TAFA2: variants seen among roughly 807,000 people sequenced by gnomAD.
TAFA2 encodes the protein chemokine-like protein TAFA-2.
Under a neutral mutation model 18.8 loss-of-function variants are expected in TAFA2, and 7 were observed. That is an observed-to-expected ratio of 0.37 (90% confidence interval 0.21 to 0.70). The LOEUF (loss-of-function observed/expected upper bound fraction) is 0.70. Among genes scored for constraint, TAFA2 ranks in the 30% least tolerant of loss-of-function variants. The pLI, the probability that TAFA2 is intolerant of heterozygous loss-of-function variation, is 0.53. For missense variants in TAFA2, 122 were observed against 158.1 expected, an observed-to-expected ratio of 0.77 and a Z score of 1.23; for synonymous variants, 60 against 54.2, an observed-to-expected ratio of 1.11 and a Z score of -0.47.
rs774841176 is a variant in TAFA2, at chr12:62,215,680, GAACTTGTTTCTCTTGCTTAAGAGAAAC to G, written c.-130+43056_-130+43082del. 4.8e-3 allele frequency among the ~76,000 whole-genome samples: 389 copies of G among 80,816 alleles called. 1 individual carries two copies. Among genetic ancestry groups the G allele is most frequent in the African/African-American group, 6.5e-3 (137 of 20,952 alleles). 53.0% of individuals were successfully genotyped at this position (80,816 alleles called of 152,430 possible). A position where few individuals can be genotyped will look rare whatever the true frequency, so the allele number is the denominator to read the frequency against. On this transcript the variant is annotated intron_variant, in intron 1 of 5. Transcript: ENST00000551619. ...ACTTGTTTTTCTTGCTTAAGAGGAA[GAACTTGTTTCTCTTGCTTAAGAGAAAC>G]AACTTGTTTCTCTTGCTTAAGAGAA...
At chr12:61,976,929 G>A (rs1359312567) in intron 1 of TAFA2, among the ~76,000 whole-genome samples, 4 of 151,962 alleles carry the variant, frequency 2.6e-5, no homozygotes, top group Non-Finnish European at 5.9e-5. Context: ...ATCATTGATG[G>A]ACATTTGGGT....
chr12:61,708,599 A>G lies in TAFA2; in HGVS notation c.*1807T>C, dbSNP rs1463674627. 1 of 152,108 alleles carries G rather than the reference A, an allele frequency of 6.6e-6. No homozygotes were observed. The highest frequency in any genetic ancestry group is 1.5e-5 in the Non-Finnish European group (1 of 67,996). The allele number at this position is 152,108 out of a possible 1,614,324, so 9.4% of individuals were successfully genotyped here. A position where few individuals can be genotyped will look rare whatever the true frequency, so the allele number is the denominator to read the frequency against. On this transcript the variant is annotated 3_prime_UTR_variant, in exon 5 of 5. Transcript: ENST00000416284. ...AGGGCAACTTTTTTTTTATAATTTC[A>G]TATAGTCTTGAGCCATTGTGAAAAT... is the stretch of plus-strand genomic sequence containing the variant.
chr12:62,049,248 A>C (rs1420719543), intron 1 of TAFA2, among the ~76,000 whole-genome samples: 1 of 152,184 alleles, frequency 6.6e-6, no homozygotes, highest in East Asian at 1.9e-4. Context: ...CATTGAATAA[A>C]GAAATAAAGA....
At chr12:62,107,524 T>C (rs80213698) in intron 1 of TAFA2, among the ~76,000 whole-genome samples, 3,138 of 152,284 alleles carry the variant, frequency 0.021, 106 homozygotes, top group African/African-American at 0.069. Flanking sequence ...AAAGTTAACT[T>C]TTCCTTAGAT....
chr12:62,096,015 T>A (rs1868934768), intron 1 of TAFA2, among the ~76,000 whole-genome samples: 1 of 152,048 alleles, frequency 6.6e-6, no homozygotes, highest in Admixed American at 6.6e-5. Flanking sequence ...GCAAAACATC[T>A]CTCTAAATTG....
At chr12:61,835,603 T>C (rs1872888984) in intron 2 of TAFA2, among the ~76,000 whole-genome samples, 1 of 152,042 alleles carries the variant, frequency 6.6e-6, no homozygotes, top group Admixed American at 6.6e-5. Context: ...TTTGTATTGT[T>C]GTAATGAGTT....
chr12:62,022,524 T>C (rs1881177627), intron 1 of TAFA2, among the ~76,000 whole-genome samples: 1 of 152,216 alleles, frequency 6.6e-6, no homozygotes, highest in Non-Finnish European at 1.5e-5. Flanking sequence ...TTTTTGAGTG[T>C]TACCATGTGC....
At chr12:62,201,057 T>C (rs191379589) in intron 1 of TAFA2, among the ~76,000 whole-genome samples, 70 of 152,326 alleles carry the variant, frequency 4.6e-4, no homozygotes, top group African/African-American at 1.7e-3. Context: ...ATTGTTGCTG[T>C]ATAGAAATAC....
At chr12:61,719,950 C>T (rs889383106) in intron 4 of TAFA2, among the ~76,000 whole-genome samples, 1 of 152,088 alleles carries the variant, frequency 6.6e-6, no homozygotes, top group Non-Finnish European at 1.5e-5. Context: ...TTTTAAAAAT[C>T]CCCTTCTGTA....
At chr12:62,007,939 T>A (rs994183282) in intron 1 of TAFA2, among the ~76,000 whole-genome samples, 38 of 152,260 alleles carry the variant, frequency 2.5e-4, no homozygotes, top group African/African-American at 8.9e-4. Context: ...AACCTATTCC[T>A]CCTAATTGGA....
At chr12:62,053,272 T>C (rs1474465232) in intron 1 of TAFA2, among the ~76,000 whole-genome samples, 5 of 152,210 alleles carry the variant, frequency 3.3e-5, no homozygotes, top group Non-Finnish European at 5.9e-5. Flanking sequence ...TTCTCAGTAG[T>C]ATATTTTTAC....
At chr12:61,993,805 C>T (rs11174268) in intron 1 of TAFA2, among the ~76,000 whole-genome samples, 27,756 of 152,084 alleles carry the variant, frequency 0.18, 2,680 homozygotes, top group East Asian at 0.32. Flanking sequence ...TGTTCATGTT[C>T]GTGGGATGTT....
chr12:61,915,282 A>T (rs1275671255), intron 1 of TAFA2, among the ~76,000 whole-genome samples: 2 of 152,248 alleles, frequency 1.3e-5, no homozygotes, highest in East Asian at 3.8e-4. Context: ...CCACAAAAAT[A>T]CGTAATCCAT....
intron 1 of TAFA2, among the ~76,000 whole-genome samples, chr12:62,111,151 G>A (rs1358432297): frequency 6.6e-6 from 1 of 152,080 alleles, no homozygotes; most frequent in Non-Finnish European, 1.5e-5. Context: ...TCTAAATACT[G>A]CTTTAACTGT....
chr12:61,889,169 A>G (rs557238920), intron 1 of TAFA2, among the ~76,000 whole-genome samples: 1 of 152,320 alleles, frequency 6.6e-6, no homozygotes, highest in Non-Finnish European at 1.5e-5. Flanking sequence ...GCACTTAGGA[A>G]GGTCCATGAC....
intron 1 of TAFA2, among the ~76,000 whole-genome samples, chr12:61,947,067 A>T (rs1277240468): frequency 8.3e-5 from 6 of 72,298 alleles, no homozygotes; most frequent in African/African-American, 2.7e-4. Flanking sequence ...CAAATGTCCA[A>T]CAATGATAGA....
chr12:62,089,319 G>A (rs765530082), intron 1 of TAFA2, among the ~76,000 whole-genome samples: 1 of 151,948 alleles, frequency 6.6e-6, no homozygotes, highest in Non-Finnish European at 1.5e-5. Context: ...TGTTTCAAAG[G>A]GAATTACTGT....
chr12:62,167,990 C>T (rs1381225835), intron 1 of TAFA2, among the ~76,000 whole-genome samples: 2 of 152,092 alleles, frequency 1.3e-5, no homozygotes, highest in Non-Finnish European at 2.9e-5. Flanking sequence ...CATAATCATA[C>T]TTTCTTTAAA....
intron 1 of TAFA2, among the ~76,000 whole-genome samples, chr12:62,091,069 T>C (rs1186981569): frequency 2.0e-5 from 3 of 152,058 alleles, no homozygotes; most frequent in South Asian, 2.1e-4. Flanking sequence ...GAGTGCTTCA[T>C]ATGTAGCAAG....
Sources: allele counts gnomAD v4.1 joint callset (sites outside exome capture counted in the v4.1 genomes callset), GRCh38; gene constraint gnomAD v4.1.1; transcripts MANE v1.5; gene names NCBI Gene and HGNC (gene_info 2026-07-23, HGNC 2026-07-21).